Variants in HOATZ observed in about 807,000 individuals in gnomAD.
HOATZ encodes HOATZ cilia and flagella associated protein, also known as cilia- and flagella-associated protein HOATZ.
HOATZ carries 26 observed loss-of-function variants against 24.9 expected under a neutral mutation model. The ratio of observed to expected loss-of-function variants is 1.04; its 90% CI spans 0.76 to 1.45. The LOEUF is 1.45. Ranked by LOEUF, HOATZ falls within the 40% of genes most tolerant of loss-of-function variation. The probability of loss-of-function intolerance (pLI) is 0.00; values close to 1 mark genes in which losing one functional copy is unlikely to be tolerated. For missense variants in HOATZ, 226 were observed against 201.5 expected, an observed-to-expected ratio of 1.12 and a Z score of -0.74; for synonymous variants, 83 against 76.6, an observed-to-expected ratio of 1.08 and a Z score of -0.43.
At chr11:111,515,897 T>C in intron 2 of HOATZ, 143 bp from the exon 3 acceptor site, 3 of 594,052 alleles carry the variant, frequency 5.1e-6, no homozygotes, top group Non-Finnish European at 8.8e-6. Flanking sequence ...ATCTGGTTTG[T>C]AAAGTTCCAA....
intron 3 of HOATZ, among the ~76,000 whole-genome samples, chr11:111,521,761 T>C (rs1867270919): frequency 6.6e-6 from 1 of 152,252 alleles, no homozygotes; most frequent in African/African-American, 2.4e-5. Context: ...TAAAAGATTA[T>C]ATTAATATAC....
At chr11:111,518,584 G>A (rs958622724) in intron 3 of HOATZ, among the ~76,000 whole-genome samples, 10 of 152,170 alleles carry the variant, frequency 6.6e-5, no homozygotes, top group Admixed American at 5.2e-4. Flanking sequence ...TGGCAGAGCA[G>A]ATTCAAAGCC....
intron 3 of HOATZ, among the ~76,000 whole-genome samples, chr11:111,528,942 T>C (rs556260784): frequency 6.6e-6 from 1 of 152,226 alleles, no homozygotes; most frequent in Non-Finnish European, 1.5e-5. Flanking sequence ...CTCTGCCAGT[T>C]ACTAGTTAGT....
At chr11:111,520,045 T>C (rs1376694297) in intron 3 of HOATZ, among the ~76,000 whole-genome samples, 6 of 152,202 alleles carry the variant, frequency 3.9e-5, no homozygotes, top group African/African-American at 1.4e-4. Context: ...TGGATATCCA[T>C]GGCAGGAAAT....
chr11:111,528,303 G>A (rs1223869554), intron 3 of HOATZ, among the ~76,000 whole-genome samples: 1 of 152,178 alleles, frequency 6.6e-6, no homozygotes, highest in East Asian at 1.9e-4. Context: ...TGGTGCCACT[G>A]CACTTCCACC....
In HOATZ at chr11:111,533,694, G is replaced by GT. The variant is rs1473408867; in HGVS notation, c.340-51dup. The stretch of plus-strand genomic sequence containing the variant: ...TGGAAGAATTCTACCTTTCGTAGGC[G>GT]TAAGTCTTTATTATTGAATCGAGAC... On this transcript the variant is annotated intron_variant, in intron 3 of 5. Coordinates refer to ENST00000375618, the MANE Select transcript of HOATZ (RefSeq NM_001100388.2). The GT allele has an allele frequency of 1.2e-5, 15 of 1,260,240 alleles. No individual in the cohort carries two copies. The African/African-American group carries it at 1.2e-4, about 10-fold the overall frequency. The allele number at this position is 1,260,240 out of a possible 1,614,324, so 78.1% of individuals were successfully genotyped here.
rs1468796788 is a variant in HOATZ, at chr11:111,533,820, G to A, written c.399+15G>A. On this transcript the variant is annotated intron_variant, in intron 4 of 5. Coordinates refer to ENST00000375618, the MANE Select transcript of HOATZ (RefSeq NM_001100388.2). ...AAAGGATCTCGGTGAGACCAATAGT[G>A]AGGCATTTGGATAATCTATCTGAGT... is the stretch of plus-strand genomic sequence containing the variant. The A allele has an allele frequency of 1.3e-6, 2 of 1,542,252 alleles. No homozygotes were observed.
intron 3 of HOATZ, among the ~76,000 whole-genome samples, chr11:111,518,167 G>A (rs1867229198): frequency 6.6e-6 from 1 of 152,164 alleles, no homozygotes; most frequent in African/African-American, 2.4e-5. Flanking sequence ...AAGCCTAGTG[G>A]TCCTGCACTG....
intron 3 of HOATZ, among the ~76,000 whole-genome samples, chr11:111,529,284 T>C (rs1245488257): frequency 1.3e-5 from 2 of 152,206 alleles, no homozygotes; most frequent in African/African-American, 4.8e-5. Flanking sequence ...GCATGATCAC[T>C]CAAGTATCCA....
intron 3 of HOATZ, among the ~76,000 whole-genome samples, chr11:111,528,263 G>A (rs552424173): frequency 6.6e-6 from 1 of 152,320 alleles, no homozygotes; most frequent in East Asian, 1.9e-4. Flanking sequence ...AGCCCAGGGG[G>A]CAGGAGGTGG....
intron 3 of HOATZ, among the ~76,000 whole-genome samples, chr11:111,517,238 T>A (rs1867216364): frequency 1.3e-5 from 2 of 152,194 alleles, no homozygotes; most frequent in Admixed American, 1.3e-4. Flanking sequence ...GTACTGTATA[T>A]TTATATCCAG....
rs534428082 is a variant in HOATZ, at chr11:111,528,330, C to A, written c.340-5416C>A. On this transcript the variant is annotated intron_variant, in intron 3 of 5. Transcript: ENST00000375618. ...ACTTCCACCTGAGTGGAGAGCAAGA[C>A]CCTGTCTCAAAAAAAAGAAAATTAA... 6.6e-5 allele frequency among the ~76,000 whole-genome samples: 10 copies of A among 152,152 alleles called. No homozygotes were observed. The South Asian group carries it at 8.3e-4, about 13-fold the overall frequency.
At chr11:111,528,881 A>C (rs1317152343) in intron 3 of HOATZ, among the ~76,000 whole-genome samples, 1 of 152,156 alleles carries the variant, frequency 6.6e-6, no homozygotes, top group Admixed American at 6.5e-5. Flanking sequence ...GTGGCAAAAG[A>C]AGCACAGGAA....
At chr11:111,532,277 C>T (rs930212532) in intron 3 of HOATZ, among the ~76,000 whole-genome samples, 7 of 152,066 alleles carry the variant, frequency 4.6e-5, no homozygotes, top group African/African-American at 1.5e-4. Context: ...ACATCATAGG[C>T]GCTTATTATG....
intron 3 of HOATZ, among the ~76,000 whole-genome samples, chr11:111,524,629 T>C (rs903087958): frequency 2.6e-5 from 4 of 152,046 alleles, no homozygotes; most frequent in African/African-American, 9.7e-5. Flanking sequence ...TATATACCCT[T>C]CCCCCAACTC....
intron 2 of HOATZ, 101 bp from the exon 3 acceptor site, chr11:111,515,939 C>A (rs967725673): frequency 1.3e-6 from 1 of 765,288 alleles, no homozygotes; most frequent in Non-Finnish European, 2.1e-6. Context: ...TACCTTCCTA[C>A]TCTATGTATT....
chr11:111,528,412 A>G (rs1381725876), intron 3 of HOATZ, among the ~76,000 whole-genome samples: 1 of 152,214 alleles, frequency 6.6e-6, no homozygotes, highest in Non-Finnish European at 1.5e-5. Flanking sequence ...CTGTTAAACC[A>G]TAGAACCTTG....
intron 3 of HOATZ, among the ~76,000 whole-genome samples, chr11:111,522,057 A>G (rs1867275227): frequency 6.6e-6 from 1 of 151,978 alleles, no homozygotes; most frequent in Non-Finnish European, 1.5e-5. Context: ...TCAGAGTTCC[A>G]TAGGGACATT....
chr11:111,536,795 G>C lies in HOATZ; in HGVS notation c.478G>C (p.Glu160Gln). The change falls in exon 6 of 6, where the codon GAG becomes CAG. Residue 160 changes from glutamate (E) to glutamine (Q), a missense_variant. Glu to Gln is a conservative substitution (Grantham distance 29). Transcript: ENST00000375618. ...AKKVVSESDK[E>Q]DQEEVKTLD Reference sequence around the variant, plus strand: ...GAAAGTGGTATCAGAGTCAGATAAAGAGGACCAAGAAGAAGTCAAAACTTT... The same window carrying C: ...GAAAGTGGTATCAGAGTCAGATAAACAGGACCAAGAAGAAGTCAAAACTTT... The C allele has an allele frequency of 1.2e-6, 2 of 1,613,826 alleles. No homozygotes were observed. The highest frequency in any genetic ancestry group is 1.7e-6 in the Non-Finnish European group (2 of 1,179,832).
Sources: gnomAD v4.1 joint callset for allele counts (sites outside exome capture counted in the v4.1 genomes callset) on GRCh38, gnomAD v4.1.1 for gene constraint, MANE v1.5 for transcripts, NCBI Gene and HGNC (gene_info 2026-07-23, HGNC 2026-07-21) for gene names.